ANKRD13A: variants seen among roughly 807,000 people sequenced by gnomAD.
The protein encoded by ANKRD13A is ankyrin repeat domain-containing protein 13A.
ANKRD13A carries 48 observed loss-of-function variants against 81.3 expected under a neutral mutation model. The ratio of observed to expected loss-of-function variants is 0.59; its 90% CI spans 0.47 to 0.75. The LOEUF is 0.75. Ranked by LOEUF, ANKRD13A falls within the 30% of genes least tolerant of loss-of-function variation. ANKRD13A has a pLI of 0.00. For missense variants in ANKRD13A, 612 were observed against 734.0 expected (o/e 0.83, Z 1.92); for synonymous variants, 230 against 270.1 (o/e 0.85, Z 1.45).
Position 110,030,635 on chromosome 12 carries a change from T to C in ANKRD13A, c.1235-10T>C. ...AGTTTACTTATAAAAGTTTTTATTTTGTTTGTTAGAAATTCCCTTGTTTCA... is the reference window on the plus strand; with the variant it reads ...AGTTTACTTATAAAAGTTTTTATTTCGTTTGTTAGAAATTCCCTTGTTTCA... On this transcript the variant is annotated splice_polypyrimidine_tract_variant and intron_variant, in intron 11 of 14. Coordinates refer to ENST00000261739, the MANE Select transcript of ANKRD13A (RefSeq NM_033121.2). 6.5e-7 allele frequency: 1 copy of C among 1,547,690 alleles called. No individual in the cohort carries two copies. The highest frequency in any genetic ancestry group is 8.8e-7 in the Non-Finnish European group (1 of 1,136,280).
chr12:110,028,002 T>A (rs934550716), intron 9 of ANKRD13A: 1 of 530,620 alleles, frequency 1.9e-6, no homozygotes, highest in Non-Finnish European at 3.4e-6. Flanking sequence ...TTCCCTCTTA[T>A]CCATTATAAA....
intron 8 of ANKRD13A, among the ~76,000 whole-genome samples, chr12:110,026,545 C>G (rs1411750097): frequency 6.7e-6 from 1 of 148,740 alleles, no homozygotes; most frequent in East Asian, 2.0e-4. Flanking sequence ...CCATTGCACT[C>G]CAGCCTGGAC....
intron 2 of ANKRD13A, 59 bp from the exon 3 acceptor site, chr12:110,013,066 C>A: frequency 6.3e-7 from 1 of 1,592,498 alleles, no homozygotes; most frequent in Non-Finnish European, 8.6e-7. Flanking sequence ...ACTTTTTCAG[C>A]CTGGTTTTGG....
At chr12:110,003,942 A>C (rs1053991167) in intron 1 of ANKRD13A, among the ~76,000 whole-genome samples, 2 of 151,966 alleles carry the variant, frequency 1.3e-5, no homozygotes, top group African/African-American at 4.8e-5. Flanking sequence ...GTGGATCATG[A>C]GGTCAGGAGT....
At chr12:110,019,524 T>G (rs1890969740) in intron 6 of ANKRD13A, among the ~76,000 whole-genome samples, 196 bp downstream of exon 6, 1 of 152,194 alleles carries the variant, frequency 6.6e-6, no homozygotes, top group Non-Finnish European at 1.5e-5. Flanking sequence ...ATTTTTACAG[T>G]TAAGTCTTAG....
At chr12:110,011,184 C>T (rs1016418196) in intron 1 of ANKRD13A, among the ~76,000 whole-genome samples, 4 of 152,092 alleles carry the variant, frequency 2.6e-5, no homozygotes, top group African/African-American at 9.7e-5. Context: ...TTCAGAGTCA[C>T]ATTTTTTAGG....
chr12:110,028,871 G>A, intron 10 of ANKRD13A: 1 of 411,684 alleles, frequency 2.4e-6, no homozygotes, highest in South Asian at 2.3e-5. Context: ...CTGAGTAGCT[G>A]GGACTACAGG....
chr12:110,025,757 A>G lies in ANKRD13A; in HGVS notation c.817A>G (p.Asn273Asp). ...CACCTCTCAGGTTTACACAGTAAAC[A>G]ATGTGAATGTGATCACCAAAATACG... is the stretch of plus-strand genomic sequence containing the variant. ...GYEAKVYTVNNVNVITKIRTE... is the reference protein window; with the variant it reads ...GYEAKVYTVNDVNVITKIRTE... Residue 273 changes from asparagine to aspartate, a missense_variant, in exon 8 of 15, where the codon AAT (asparagine) becomes GAT (aspartate). Asn to Asp is a conservative substitution (Grantham distance 23). Coordinates refer to ENST00000261739, the MANE Select transcript of ANKRD13A (RefSeq NM_033121.2). 1 of 1,612,926 alleles carries G rather than the reference A, an allele frequency of 6.2e-7. No homozygotes were observed. The highest frequency in any genetic ancestry group is 8.5e-7 in the Non-Finnish European group (1 of 1,179,516).
intron 6 of ANKRD13A, chr12:110,021,405 CTTTCTTTTCTTTT>C (rs1345036364): frequency 6.5e-6 from 1 of 154,874 alleles, no homozygotes; most frequent in East Asian, 1.9e-4. Flanking sequence ...TCTTTTCTTT[CTTTCTTTTCTTTT>C]TTCTTTCTTT....
intron 2 of ANKRD13A, 38 bp downstream of exon 2, chr12:110,012,175 G>C (rs751282029): frequency 6.4e-7 from 1 of 1,565,638 alleles, no homozygotes; most frequent in Non-Finnish European, 8.7e-7. Context: ...GTCCGTCTGA[G>C]CACCATGGTG....
At chr12:110,027,801 A>G in intron 9 of ANKRD13A, 35 bp downstream of exon 9, 1 of 1,608,284 alleles carries the variant, frequency 6.2e-7, no homozygotes, top group Non-Finnish European at 8.5e-7. Context: ...TTGCAGTTAG[A>G]TGAAAGGAAA....
Position 110,028,575 on chromosome 12 carries a change from A to G in ANKRD13A, c.1009A>G (p.Asn337Asp). 1 of 1,614,210 alleles carries G rather than the reference A, an allele frequency of 6.2e-7. No homozygotes were observed. The highest frequency in any genetic ancestry group is 1.1e-5 in the South Asian group (1 of 91,080). ...PTAITPDEYF[N>D]EEFDLKDRDI... is the part of the protein sequence containing the mutation. ...AGCCATCACGCCTGATGAGTACTTCAATGAAGAGTTTGATCTGAAAGACAG... is the reference window on the plus strand; with the variant it reads ...AGCCATCACGCCTGATGAGTACTTCGATGAAGAGTTTGATCTGAAAGACAG... The change falls in exon 10 of 15, where the codon AAT becomes GAT. Residue 337 changes from asparagine to aspartate, a missense_variant. Physicochemically the swap from Asn to Asp is conservative, Grantham distance 23. Coordinates refer to ENST00000261739, the MANE Select transcript of ANKRD13A (RefSeq NM_033121.2).
Position 110,039,382 on chromosome 12 carries a change from A to G in ANKRD13A, c.*1828A>G, listed in dbSNP as rs945068445. On this transcript the variant is annotated 3_prime_UTR_variant, in exon 15 of 15. Transcript: ENST00000261739. Reference sequence around the variant, plus strand: ...TGCAGTGTTTTTCATATATGTGTTCACTCTAAAAATGCAAATAAAGACTGC... The same window carrying G: ...TGCAGTGTTTTTCATATATGTGTTCGCTCTAAAAATGCAAATAAAGACTGC... 2 of 152,114 alleles carry G rather than the reference A, an allele frequency of 1.3e-5. No individual in the cohort carries two copies. Among genetic ancestry groups the G allele is most frequent in the Non-Finnish European group, 2.9e-5 (2 of 68,024 alleles). The allele number at this position is 152,114 out of a possible 1,614,324, so 9.4% of individuals were successfully genotyped here.
At chr12:110,020,193 C>G (rs935298079) in intron 6 of ANKRD13A, among the ~76,000 whole-genome samples, 1 of 152,148 alleles carries the variant, frequency 6.6e-6, no homozygotes, top group Admixed American at 6.5e-5. Context: ...AGAAAATGGA[C>G]GCTATTATCC....
Position 110,037,426 on chromosome 12 carries a change from C to T in ANKRD13A, c.1645C>T (p.Arg549Cys), listed in dbSNP as rs144667475. The T allele has an allele frequency of 1.6e-5, 26 of 1,614,086 alleles. No individual in the cohort carries two copies. The highest frequency in any genetic ancestry group is 1.9e-5 in the Non-Finnish European group (23 of 1,180,038). ...CCCCAGCGCCCTGAGCGAGACAAGC[C>T]GTTTTGATAATGACTTGCAGCTAGC... ...LCPSALSETS[R>C]FDNDLQLAME... Residue 549 changes from arginine (R) to cysteine (C), a missense_variant, in exon 15 of 15, where the codon CGT (arginine) becomes TGT (cysteine). Coordinates refer to ENST00000261739, the MANE Select transcript of ANKRD13A (RefSeq NM_033121.2).
At chr12:110,027,007 T>C (rs916087473) in intron 8 of ANKRD13A, 1 of 152,250 alleles carries the variant, frequency 6.6e-6, no homozygotes, top group Non-Finnish European at 1.5e-5. Context: ...TCAAGAACAA[T>C]TGTTGAATTC....
intron 1 of ANKRD13A, among the ~76,000 whole-genome samples, chr12:110,006,668 C>T (rs1890258011): frequency 6.6e-6 from 1 of 150,940 alleles, no homozygotes. Context: ...GTGATCTCGG[C>T]TTACCACAAC....
At chr12:109,999,264 A>G (rs1170417401), upstream of ANKRD13A, 1 of 151,084 alleles carries the variant, frequency 6.6e-6, no homozygotes, top group African/African-American at 2.5e-5. The surrounding 1 kb of genome is among the most constrained non-coding windows in gnomAD (Gnocchi z 4.3). Flanking sequence ...TGGCCAAGAG[A>G]ATGAGCCTCA....
chr12:110,027,636 T>A, intron 8 of ANKRD13A, 69 bp from the exon 9 acceptor site: 1 of 1,489,378 alleles, frequency 6.7e-7, no homozygotes, highest in Non-Finnish European at 9.3e-7. Context: ...GAAACTTTAA[T>A]GAAGATCTTT....
Sources: gnomAD v4.1 joint callset for allele counts (sites outside exome capture counted in the v4.1 genomes callset) on GRCh38, gnomAD v4.1.1 for gene constraint, Gnocchi (gnomAD v3.1) non-coding constraint, MANE v1.5 for transcripts, NCBI Gene and HGNC (gene_info 2026-07-23, HGNC 2026-07-21) for gene names.